Variants in BANK1 observed in about 807,000 individuals in gnomAD.
BANK1 encodes B-cell scaffold protein with ankyrin repeats.
BANK1 carries 95 observed loss-of-function variants against 94.5 expected under a neutral mutation model. That is an observed-to-expected ratio of 1.00 (90% CI 0.85 to 1.19). The LOEUF is 1.19. Among genes scored for constraint, BANK1 ranks in the 50% most tolerant of loss-of-function variants. The pLI is 0.00. For missense variants in BANK1, 987 were observed against 932.2 expected, an observed-to-expected ratio of 1.06 and a Z score of -0.77; for synonymous variants, 334 against 308.4, an observed-to-expected ratio of 1.08 and a Z score of -0.87.
At chr4:102,060,099 G>A in intron 11 of BANK1, 112 bp from the exon 12 acceptor site, 2 of 953,954 alleles carry the variant, frequency 2.1e-6, no homozygotes, top group Non-Finnish European at 3.0e-6. Flanking sequence ...TTCTTTAACT[G>A]CTCATAGAGA....
At chr4:101,828,299 T>C (rs191206320) in intron 1 of BANK1, among the ~76,000 whole-genome samples, 111 of 151,518 alleles carry the variant, frequency 7.3e-4, no homozygotes, top group Admixed American at 7.2e-3. Flanking sequence ...TTCCTATGTC[T>C]TTCCCTCCCC....
chr4:101,794,195 C>T (rs1327717481), intron 1 of BANK1, among the ~76,000 whole-genome samples: 1 of 151,960 alleles, frequency 6.6e-6, no homozygotes, highest in Non-Finnish European at 1.5e-5. Flanking sequence ...TCTGTTTTCT[C>T]ATATCTCAGA....
At position 102,007,118 on chromosome 4, in the gene BANK1, TATTTTATATATATATAAA is replaced by T. The variant is rs1726310876; in HGVS notation, c.1207-14394_1207-14377del. 1.2e-4 allele frequency among the ~76,000 whole-genome samples: 5 copies of T among 40,182 alleles called. 1 individual carries two copies. In the South Asian group the frequency reaches 3.2e-3, roughly 25 times the overall value. 26.4% of individuals were successfully genotyped at this position (40,182 alleles called of 152,430 possible). On this transcript the variant is annotated intron_variant, in intron 7 of 16. Transcript: ENST00000322953. ...ATATATTTATATATATATAAATATA[TATTTTATATATATATAAA>T]AAATATATTTTATATATATATATAT...
chr4:101,792,263 C>CCT (rs1464598228), intron 1 of BANK1, among the ~76,000 whole-genome samples: 2 of 140,098 alleles, frequency 1.4e-5, no homozygotes, highest in African/African-American at 2.5e-5. Context: ...GCTCCCCCCC[C>CCT]GCCCCGCCCC....
chr4:102,004,899 A>G (rs190482138), intron 7 of BANK1, among the ~76,000 whole-genome samples: 13 of 152,254 alleles, frequency 8.5e-5, no homozygotes, highest in African/African-American at 2.9e-4. Flanking sequence ...CTTTAGTTGT[A>G]AATACCTTAT....
intron 2 of BANK1, among the ~76,000 whole-genome samples, chr4:101,833,403 C>G (rs1002666526): frequency 2.6e-5 from 4 of 152,136 alleles, no homozygotes; most frequent in African/African-American, 9.7e-5. Flanking sequence ...CAATAAAAGA[C>G]TGTACTTCTC....
chr4:101,836,884 C>CA (rs1417258833), intron 2 of BANK1, among the ~76,000 whole-genome samples: 1 of 152,136 alleles, frequency 6.6e-6, no homozygotes, highest in Non-Finnish European at 1.5e-5. Flanking sequence ...GAGCTTTCCC[C>CA]ATCTTCTACA....
intron 4 of BANK1, among the ~76,000 whole-genome samples, chr4:101,865,434 A>G (rs1200659240): frequency 6.6e-6 from 1 of 152,086 alleles, no homozygotes; most frequent in Admixed American, 6.6e-5. Context: ...TTTACAATGA[A>G]GATCTGAGAA....
At chr4:101,796,690 T>C (rs1318438517) in intron 1 of BANK1, among the ~76,000 whole-genome samples, 2 of 152,216 alleles carry the variant, frequency 1.3e-5, no homozygotes, top group Non-Finnish European at 2.9e-5. Context: ...TTTAGAGCTT[T>C]GAATTATGTA....
chr4:101,890,649 A>C (rs1342522080), intron 5 of BANK1, among the ~76,000 whole-genome samples: 1 of 149,320 alleles, frequency 6.7e-6, no homozygotes, highest in Non-Finnish European at 1.5e-5. Flanking sequence ...TATAAAGAGA[A>C]CATATAGTTA....
Position 102,004,056 on chromosome 4 carries a change from CT to C in BANK1, c.1207-17449del, listed in dbSNP as rs1394297621. Among the ~76,000 whole-genome samples the C allele has an allele frequency of 9.9e-5, 15 of 150,776 alleles. No homozygotes were observed. In the East Asian group the frequency reaches 2.9e-3, roughly 29 times the overall value. On this transcript the variant is annotated intron_variant, in intron 7 of 16. Coordinates refer to ENST00000322953, the MANE Select transcript of BANK1 (RefSeq NM_017935.5). ...AACCCCAGTCTGGCACTGCCTATTCCTTTTTTTTTCCACAGCAACTATAATC... is the reference window on the plus strand; with the variant it reads ...AACCCCAGTCTGGCACTGCCTATTCCTTTTTTTTCCACAGCAACTATAATC...
intron 3 of BANK1, among the ~76,000 whole-genome samples, chr4:101,860,720 C>T (rs563622815): frequency 2.0e-4 from 30 of 152,208 alleles, no homozygotes; most frequent in Middle Eastern, 3.4e-3. Flanking sequence ...CATGAGCCAC[C>T]GCACCCGGCC....
At chr4:102,022,122 G>A (rs942072807) in intron 8 of BANK1, among the ~76,000 whole-genome samples, 10 of 151,390 alleles carry the variant, frequency 6.6e-5, no homozygotes, top group Admixed American at 2.0e-4. Flanking sequence ...GTATATATAC[G>A]CGTTTATATG....
Position 101,973,351 on chromosome 4 carries a change from T to G in BANK1, c.1207-48163T>G, listed in dbSNP as rs147232193. Among the ~76,000 whole-genome samples the G allele has an allele frequency of 8.9e-4, 135 of 152,068 alleles. 1 individual carries two copies. The highest frequency in any genetic ancestry group is 3.1e-3 in the African/African-American group (128 of 41,526). ...TTATACAAATAACATTCAAAAAAAC[T>G]TAGAGTAGATTTTATGATCTTTATT... On this transcript the variant is annotated intron_variant, in intron 7 of 16. Transcript: ENST00000322953.
chr4:102,016,196 A>G (rs1281159199), intron 7 of BANK1, among the ~76,000 whole-genome samples: 1 of 152,180 alleles, frequency 6.6e-6, no homozygotes, highest in Non-Finnish European at 1.5e-5. Flanking sequence ...GCATGTTTCT[A>G]TCTTATAGTA....
At chr4:101,882,760 T>A (rs1728723910) in intron 5 of BANK1, among the ~76,000 whole-genome samples, 1 of 152,202 alleles carries the variant, frequency 6.6e-6, no homozygotes, top group South Asian at 2.1e-4. Flanking sequence ...TCCATAATTC[T>A]ATGCCAAAAA....
intron 5 of BANK1, among the ~76,000 whole-genome samples, chr4:101,878,209 A>G (rs1728559809): frequency 6.6e-6 from 1 of 152,156 alleles, no homozygotes; most frequent in Non-Finnish European, 1.5e-5. Flanking sequence ...TGTTGACTAC[A>G]AGAAATGCAC....
chr4:102,019,686 T>C (rs1726824139), intron 7 of BANK1, among the ~76,000 whole-genome samples: 1 of 152,188 alleles, frequency 6.6e-6, no homozygotes, highest in Non-Finnish European at 1.5e-5. Flanking sequence ...ATTGATTTTA[T>C]TGAAGAATCA....
chr4:102,001,459 G>A (rs1253089962), intron 7 of BANK1, among the ~76,000 whole-genome samples: 1 of 152,126 alleles, frequency 6.6e-6, no homozygotes, highest in African/African-American at 2.4e-5. Context: ...AATTAGCTGG[G>A]CATGGTGGCA....
Sources: gnomAD v4.1 joint callset for allele counts (sites outside exome capture counted in the v4.1 genomes callset) on GRCh38, gnomAD v4.1.1 for gene constraint, MANE v1.5 for transcripts, NCBI Gene and HGNC (gene_info 2026-07-23, HGNC 2026-07-21) for gene names.